CSDE1: variants seen among roughly 807,000 people sequenced by gnomAD.
The protein encoded by CSDE1 is cold shock domain-containing protein E1.
A neutral mutation model predicts 89.3 loss-of-function variants in CSDE1; 17 were observed. That is an observed-to-expected ratio of 0.19 (90% CI 0.13 to 0.29). CSDE1 has a LOEUF of 0.29. CSDE1 is among the 10% of genes least tolerant of loss of function. The pLI is 1.00. For synonymous variants in CSDE1, 322 were observed against 332.8 expected (o/e 0.97, Z 0.35); for missense variants, 672 against 984.2 (o/e 0.68, Z 4.24).
intron 2 of CSDE1, among the ~76,000 whole-genome samples, chr1:114,743,602 G>A (rs1660853648): frequency 6.6e-6 from 1 of 152,170 alleles, no homozygotes. Flanking sequence ...CCATTCTCAA[G>A]TCTCCAATCC....
At chr1:114,721,646 A>G (rs1659528216) in intron 16 of CSDE1, among the ~76,000 whole-genome samples, 1 of 152,174 alleles carries the variant, frequency 6.6e-6, no homozygotes, top group Non-Finnish European at 1.5e-5. Context: ...GCTGGAGTGC[A>G]GTGGCGATCA....
Position 114,720,726 on chromosome 1 carries a change from C to T in CSDE1, c.1874-9G>A, listed in dbSNP as rs373612997. On this transcript the variant is annotated splice_polypyrimidine_tract_variant and intron_variant, in intron 16 of 19. Transcript: ENST00000358528. Reference sequence around the variant, plus strand: ...CTCACCTTTCATATCGCCTGTAAAACAGGTACAAAGTCTAAAAGCTAGTAT... The same window carrying T: ...CTCACCTTTCATATCGCCTGTAAAATAGGTACAAAGTCTAAAAGCTAGTAT... 4.6e-5 allele frequency: 75 copies of T among 1,613,480 alleles called. No individual in the cohort carries two copies. Among genetic ancestry groups the T allele is most frequent in the Non-Finnish European group, 6.1e-5 (72 of 1,179,670 alleles).
chr1:114,747,675 C>T (rs1025904046), intron 2 of CSDE1, among the ~76,000 whole-genome samples: 8 of 151,604 alleles, frequency 5.3e-5, no homozygotes, highest in African/African-American at 1.9e-4. Context: ...CTGGCCAACA[C>T]GGTGAAACCC....
chr1:114,747,181 TTTC>T (rs1257607949), intron 2 of CSDE1, among the ~76,000 whole-genome samples: 3 of 152,258 alleles, frequency 2.0e-5, no homozygotes, highest in Admixed American at 6.5e-5. Flanking sequence ...AGCCTTATTC[TTTC>T]TTGCCATTTT....
At chr1:114,754,696 G>A (rs1661496535) in intron 1 of CSDE1, among the ~76,000 whole-genome samples, 2 of 152,252 alleles carry the variant, frequency 1.3e-5, no homozygotes, top group South Asian at 4.1e-4. Flanking sequence ...TAAGGTAAAC[G>A]ATAAACTCTA....
chr1:114,719,463 C>G, intron 18 of CSDE1, 116 bp downstream of exon 18: 4 of 1,093,100 alleles, frequency 3.7e-6, no homozygotes, highest in Non-Finnish European at 5.1e-6. Context: ...TAGGAAGTAT[C>G]AAGAAATAAT....
At position 114,728,890 on chromosome 1, in the gene CSDE1, T is replaced by C. The variant is rs1426184299; in HGVS notation, c.1356+1368A>G. On this transcript the variant is annotated intron_variant, in intron 12 of 19. Coordinates refer to ENST00000358528, the MANE Select transcript of CSDE1 (RefSeq NM_001007553.3). ...TAAATTATAACATGACTTTCCAGTA[T>C]CTCTCATGTACCTTCACTTGTCTAT... is the stretch of plus-strand genomic sequence containing the variant. 5.9e-5 allele frequency among the ~76,000 whole-genome samples: 9 copies of C among 152,326 alleles called. No individual in the cohort carries two copies. In the East Asian group the frequency reaches 1.7e-3, roughly 29 times the overall value.
At position 114,717,746 on chromosome 1, in the gene CSDE1, C is replaced by T; in HGVS notation, c.*423G>A. The T allele has an allele frequency of 6.1e-6, 1 of 162,924 alleles. No individual in the cohort carries two copies. Among genetic ancestry groups the T allele is most frequent in the Non-Finnish European group, 1.3e-5 (1 of 75,270 alleles). 10.1% of individuals were successfully genotyped at this position (162,924 alleles called of 1,614,324 possible). A position where few individuals can be genotyped will look rare whatever the true frequency, so the allele number is the denominator to read the frequency against. On this transcript the variant is annotated 3_prime_UTR_variant, in exon 20 of 20. Coordinates refer to ENST00000358528, the MANE Select transcript of CSDE1 (RefSeq NM_001007553.3). ...AACAGGAAGAAAAAGGAAAAGAATG[C>T]AACTGAGTGCTAAGGCAGAACATCT... is the stretch of plus-strand genomic sequence containing the variant.
chr1:114,729,236 T>C (rs2101030408), intron 12 of CSDE1, among the ~76,000 whole-genome samples: 2 of 152,020 alleles, frequency 1.3e-5, no homozygotes, highest in South Asian at 4.2e-4. Context: ...GTAGCTGGGA[T>C]TACAGGTGCC....
At chr1:114,722,978 CT>C (rs1659608101) in intron 16 of CSDE1, among the ~76,000 whole-genome samples, 3 of 152,172 alleles carry the variant, frequency 2.0e-5, no homozygotes, top group African/African-American at 4.8e-5. Flanking sequence ...ACTTTATTCT[CT>C]TTGTAAACCA....
chr1:114,726,473 G>T, intron 13 of CSDE1, 87 bp from the exon 14 acceptor site: 1 of 1,042,448 alleles, frequency 9.6e-7, no homozygotes, highest in Non-Finnish European at 1.4e-6. Context: ...AACTCCCCCA[G>T]CGCATGCTTT....
At chr1:114,731,390 TAAAA>T (rs368044895) in intron 10 of CSDE1, among the ~76,000 whole-genome samples, 6 of 134,378 alleles carry the variant, frequency 4.5e-5, no homozygotes, top group South Asian at 2.3e-4. Flanking sequence ...TTTGAAAATG[TAAAA>T]AAAAAAAAAA....
rs191998427 is a variant in CSDE1, at chr1:114,737,890, A to G, written c.309+73T>C. 1.7e-4 allele frequency: 170 copies of G among 1,017,334 alleles called. No individual in the cohort carries two copies. In the African/African-American group the frequency reaches 2.5e-3, roughly 15 times the overall value. 63.0% of individuals were successfully genotyped at this position (1,017,334 alleles called of 1,614,324 possible). ...CGTGCAAACTGAGGAGATGGGGAGAATCTTCCTTTTCTAATGTGAAAGATA... is the reference window on the plus strand; with the variant it reads ...CGTGCAAACTGAGGAGATGGGGAGAGTCTTCCTTTTCTAATGTGAAAGATA... On this transcript the variant is annotated intron_variant, in intron 4 of 19. Coordinates refer to ENST00000358528, the MANE Select transcript of CSDE1 (RefSeq NM_001007553.3).
chr1:114,724,714 A>G (rs1659703223), intron 15 of CSDE1, among the ~76,000 whole-genome samples: 1 of 152,202 alleles, frequency 6.6e-6, no homozygotes, highest in Middle Eastern at 3.4e-3. Flanking sequence ...TGATGTATAC[A>G]TATCTTGGGG....
At chr1:114,747,084 CTT>C (rs1475429998) in intron 2 of CSDE1, among the ~76,000 whole-genome samples, 1 of 152,202 alleles carries the variant, frequency 6.6e-6, no homozygotes, top group Non-Finnish European at 1.5e-5. Flanking sequence ...TTGCTTTTCT[CTT>C]GTCTGTCACC....
At position 114,742,096 on chromosome 1, in the gene CSDE1, A is replaced by G. The variant is rs142791733; in HGVS notation, c.1-2206T>C. 7.4e-3 allele frequency among the ~76,000 whole-genome samples: 1,134 copies of G among 152,338 alleles called. 9 individuals are homozygous for G. Among genetic ancestry groups the G allele is most frequent in the Non-Finnish European group, 0.012 (803 of 68,038 alleles). ...TTTTATAAATATTTACTATGTATTT[A>G]TAGTCTAGGTTTCACCGAGTTGGTA... On this transcript the variant is annotated intron_variant, in intron 2 of 19. Coordinates refer to ENST00000358528, the MANE Select transcript of CSDE1 (RefSeq NM_001007553.3).
Position 114,746,381 on chromosome 1 carries a change from C to A in CSDE1, c.-1+3440G>T, listed in dbSNP as rs577356913. On this transcript the variant is annotated intron_variant, in intron 2 of 19. Coordinates refer to ENST00000358528, the MANE Select transcript of CSDE1 (RefSeq NM_001007553.3). ...AATCACATTAGCGAAATCAGGTTTT[C>A]TTTCAGTTCCTCCGTAATGGATCGT... Among the ~76,000 whole-genome samples the A allele has an allele frequency of 3.9e-5, 6 of 152,202 alleles. 1 individual carries two copies. In the South Asian group the frequency reaches 1.2e-3, roughly 32 times the overall value.
At chr1:114,721,476 T>A (rs1659517215) in intron 16 of CSDE1, among the ~76,000 whole-genome samples, 1 of 152,132 alleles carries the variant, frequency 6.6e-6, no homozygotes, top group African/African-American at 2.4e-5. Context: ...GCCTAACAAT[T>A]TTCAGCATCC....
At chr1:114,757,128 A>T (rs1302661148) in intron 1 of CSDE1, among the ~76,000 whole-genome samples, 3 of 152,170 alleles carry the variant, frequency 2.0e-5, no homozygotes, top group African/African-American at 7.2e-5. Context: ...GAGGGGTGGG[A>T]GCCACGTGCC....
Sources: gnomAD v4.1 joint callset for allele counts (sites outside exome capture counted in the v4.1 genomes callset) on GRCh38, gnomAD v4.1.1 for gene constraint, MANE v1.5 for transcripts, NCBI Gene and HGNC (gene_info 2026-07-23, HGNC 2026-07-21) for gene names.